MTHFD1: variants seen among roughly 807,000 people sequenced by gnomAD.
MTHFD1 encodes the protein C-1-tetrahydrofolate synthase, cytoplasmic.
MTHFD1 carries 44 observed loss-of-function variants against 110.3 expected under a neutral mutation model. The ratio of observed to expected loss-of-function variants is 0.40; its 90% confidence interval spans 0.31 to 0.51. The LOEUF is 0.51. Among genes scored for constraint, MTHFD1 ranks in the 20% least tolerant of loss-of-function variants. MTHFD1 has a pLI of 0.60. For missense variants in MTHFD1, 909 were observed against 1,173.1 expected (o/e 0.77, Z 3.29); for synonymous variants, 402 against 428.8 (o/e 0.94, Z 0.77).
rs370842781 is a variant in MTHFD1, at chr14:64,442,345, C to T, written c.2079C>T (p.His693=). ...IKCRYSGLCP[H]VVVLVATVRA... ...GCCGGTATTCCGGCCTCTGCCCCCA[C>T]GTGGTGGTGCTTGTTGCCACTGTCA... Residue 693 remains histidine (H), a synonymous_variant, in exon 21 of 28, where the codon CAC becomes CAT. Transcript: ENST00000652337. 5 of 1,614,108 alleles carry T rather than the reference C, an allele frequency of 3.1e-6. No individual in the cohort carries two copies. Among genetic ancestry groups the T allele is most frequent in the East Asian group, 2.2e-5 (1 of 44,898 alleles).
At chr14:64,428,855 CCT>C (rs900710761) in intron 12 of MTHFD1, among the ~76,000 whole-genome samples, 43 of 151,950 alleles carry the variant, frequency 2.8e-4, no homozygotes, top group Admixed American at 2.8e-3. Context: ...CCCAGCCCAC[CCT>C]TCCACCTATT....
intron 22 of MTHFD1, chr14:64,447,981 G>T (rs1433258681): frequency 2.2e-5 from 12 of 554,066 alleles, no homozygotes; most frequent in Non-Finnish European, 3.2e-5. Context: ...TGAAGGCTGG[G>T]AAACAAGCAG....
chr14:64,425,034 G>A (rs2078108204), intron 9 of MTHFD1, 103 bp downstream of exon 9: 1 of 1,413,202 alleles, frequency 7.1e-7, no homozygotes, highest in Non-Finnish European at 9.8e-7. Context: ...CAGAAGTAAA[G>A]ATGTGAATTT....
intron 7 of MTHFD1, among the ~76,000 whole-genome samples, chr14:64,418,748 G>T (rs971462458): frequency 1.3e-5 from 2 of 151,870 alleles, no homozygotes; most frequent in Non-Finnish European, 2.9e-5. Context: ...TAGAGACAAG[G>T]TTTCTCCATG....
Position 64,412,478 on chromosome 14 carries a change from ATCAAAGCCAC to A in MTHFD1, c.197_206del (p.Lys66ThrfsTer13). 6.2e-7 allele frequency: 1 copy of A among 1,613,194 alleles called. No individual in the cohort carries two copies. The highest frequency in any genetic ancestry group is 8.5e-7 in the Non-Finnish European group (1 of 1,179,198). On this transcript the variant is annotated frameshift_variant, in exon 4 of 28. Transcript: ENST00000652337. LOFTEE classifies it high-confidence loss of function. ...TTTAATGTCTGTTTTGCAGATTGGG[ATCAAAGCCAC>A]TCACATTAAGTTACCAAGAACAACC...
At chr14:64,416,548 A>G (rs1252780056) in intron 6 of MTHFD1, among the ~76,000 whole-genome samples, 1 of 152,046 alleles carries the variant, frequency 6.6e-6, no homozygotes. Flanking sequence ...GCACCTTGCT[A>G]TTTTAATTTC....
intron 2 of MTHFD1, among the ~76,000 whole-genome samples, chr14:64,404,951 T>G (rs921688528): frequency 3.3e-5 from 5 of 151,584 alleles, no homozygotes; most frequent in African/African-American, 9.7e-5. Context: ...AGCCTAAGAC[T>G]CCGTCTCAAT....
At chr14:64,399,359 G>C (rs990989265) in intron 1 of MTHFD1, among the ~76,000 whole-genome samples, 2 of 152,116 alleles carry the variant, frequency 1.3e-5, no homozygotes, top group African/African-American at 4.8e-5. Flanking sequence ...GTGTCAGTGG[G>C]AGTAAGAAAA....
chr14:64,417,236 G>T lies in MTHFD1; in HGVS notation c.479-652G>T, dbSNP rs1053589578. On this transcript the variant is annotated intron_variant, in intron 6 of 27. Transcript: ENST00000652337. The surrounding 1 kb of genome is among the most constrained non-coding windows in gnomAD (Gnocchi z 4.4). Reference sequence around the variant, plus strand: ...AAATATGGTCCCCTGTCCACTACTGGGTACTCACTCAGGCTGTCTTTAGTA... The same window carrying T: ...AAATATGGTCCCCTGTCCACTACTGTGTACTCACTCAGGCTGTCTTTAGTA... Among the ~76,000 whole-genome samples, 1 of 152,110 alleles carries T rather than the reference G, an allele frequency of 6.6e-6. No homozygotes were observed. The highest frequency in any genetic ancestry group is 2.4e-5 in the African/African-American group (1 of 41,392).
chr14:64,458,692 A>T (rs2078514716), intron 27 of MTHFD1: 1 of 282,988 alleles, frequency 3.5e-6, no homozygotes, highest in Non-Finnish European at 6.8e-6. Flanking sequence ...TATACTCTGA[A>T]TAGGTAGTTA....
chr14:64,457,153 C>T (rs2078487637), intron 26 of MTHFD1, among the ~76,000 whole-genome samples: 1 of 152,184 alleles, frequency 6.6e-6, no homozygotes, highest in South Asian at 2.1e-4. Context: ...ACAAAAGTGT[C>T]TTGGCCCAAG....
At chr14:64,421,603 T>TTTTATTTA (rs1487997143) in intron 8 of MTHFD1, among the ~76,000 whole-genome samples, 1 of 151,004 alleles carries the variant, frequency 6.6e-6, no homozygotes, top group Non-Finnish European at 1.5e-5. Flanking sequence ...AGCTCAGTCT[T>TTTTATTTA]TTTATTTATT....
chr14:64,411,099 A>C lies in MTHFD1; in HGVS notation c.136A>C (p.Arg46=), dbSNP rs1420265873. 6.2e-7 allele frequency: 1 copy of C among 1,611,224 alleles called. No homozygotes were observed. The highest frequency in any genetic ancestry group is 8.5e-7 in the Non-Finnish European group (1 of 1,177,642). ...GCATTTATTATTCTAGGTTGGCAACAGAGATGATTCCAATCTTTATATAAA... is the reference window on the plus strand; with the variant it reads ...GCATTTATTATTCTAGGTTGGCAACCGAGATGATTCCAATCTTTATATAAA... ...PRLAILQVGN[R]DDSNLYINVK... Residue 46 remains arginine (R), a synonymous_variant, in exon 3 of 28, where the codon AGA becomes CGA. Transcript: ENST00000652337.
intron 12 of MTHFD1, among the ~76,000 whole-genome samples, chr14:64,427,833 T>C (rs1309345779): frequency 1.3e-5 from 2 of 152,200 alleles, no homozygotes; most frequent in East Asian, 3.8e-4. Context: ...TTTCACCTTG[T>C]TGGGAATAAG....
chr14:64,445,913 T>C (rs2140978511), intron 22 of MTHFD1, among the ~76,000 whole-genome samples: 1 of 152,334 alleles, frequency 6.6e-6, no homozygotes, highest in Admixed American at 6.5e-5. Flanking sequence ...CTCAAATAAA[T>C]CATAATCTCA....
At chr14:64,441,247 T>C (rs1051727921) in intron 18 of MTHFD1, 138 bp from the exon 19 acceptor site, 1 of 813,740 alleles carries the variant, frequency 1.2e-6, no homozygotes, top group South Asian at 1.4e-5. Flanking sequence ...AAAAAAACCA[T>C]GAATGGTCCA....
chr14:64,425,638 T>C (rs2078113008), intron 9 of MTHFD1, 92 bp from the exon 10 acceptor site: 2 of 1,037,944 alleles, frequency 1.9e-6, no homozygotes, highest in Admixed American at 3.4e-5. Flanking sequence ...CAGTTCATTT[T>C]GTGATTGAAC....
intron 1 of MTHFD1, among the ~76,000 whole-genome samples, chr14:64,398,210 TG>T (rs1172719518): frequency 1.3e-5 from 2 of 152,166 alleles, no homozygotes; most frequent in Non-Finnish European, 2.9e-5. Context: ...GCTATATTAT[TG>T]TAGAGAATAC....
At chr14:64,404,485 A>G (rs2077922657) in intron 2 of MTHFD1, among the ~76,000 whole-genome samples, 1 of 152,156 alleles carries the variant, frequency 6.6e-6, no homozygotes, top group South Asian at 2.1e-4. Context: ...TTCAATACAT[A>G]TTTTTACGGA....
Sources: allele counts gnomAD v4.1 joint callset (sites outside exome capture counted in the v4.1 genomes callset), GRCh38; gene constraint gnomAD v4.1.1; non-coding constraint Gnocchi (gnomAD v3.1); transcripts MANE v1.5; gene names NCBI Gene and HGNC (gene_info 2026-07-23, HGNC 2026-07-21).